Variants in COL11A1 observed in about 807,000 individuals in gnomAD.
The protein encoded by COL11A1 is collagen alpha-1(XI) chain.
In COL11A1, 74 loss-of-function variants were observed where a neutral mutation model predicts 265.2. That is an observed-to-expected ratio of 0.28 (90% confidence interval 0.23 to 0.34). The LOEUF (loss-of-function observed/expected upper bound fraction) is 0.34. Among genes scored for constraint, COL11A1 ranks in the 10% least tolerant of loss-of-function variants. The pLI is 1.00. For missense variants in COL11A1, 2,165 were observed against 2,263.6 expected (o/e 0.96, Z 0.88); for synonymous variants, 816 against 727.6 (o/e 1.12, Z -1.96).
At chr1:103,026,393 G>T in intron 5 of COL11A1, 61 bp from the exon 6 acceptor site, 1 of 1,042,426 alleles carries the variant, frequency 9.6e-7, no homozygotes, top group Non-Finnish European at 1.5e-6. Flanking sequence ...TATTCACAAA[G>T]TGAGAACCAT....
chr1:103,054,212 C>CA (rs1224084362), intron 4 of COL11A1, among the ~76,000 whole-genome samples: 2 of 152,048 alleles, frequency 1.3e-5, no homozygotes, highest in East Asian at 1.9e-4. Context: ...ATACATTATA[C>CA]AAAAAATGAA....
intron 4 of COL11A1, among the ~76,000 whole-genome samples, chr1:103,045,563 G>T (rs983858621): frequency 2.6e-5 from 4 of 151,554 alleles, no homozygotes; most frequent in Non-Finnish European, 5.9e-5. Context: ...AAACATCAAG[G>T]TCTTAAAAAA....
rs1240290905 is a variant in COL11A1, at chr1:103,018,811, T to C, written c.1350+7A>G. 6.2e-7 allele frequency: 1 copy of C among 1,609,466 alleles called. No homozygotes were observed. Among genetic ancestry groups the C allele is most frequent in the Non-Finnish European group, 8.5e-7 (1 of 1,176,234 alleles). On this transcript the variant is annotated splice_region_variant and intron_variant, in intron 10 of 66. Coordinates refer to ENST00000370096, the MANE Select transcript of COL11A1 (RefSeq NM_001854.4). ...TAGACAAAAATAATCTTAAAACATTTACATACTGCAGGTCCTGCTGGTCCT... is the reference window on the plus strand; with the variant it reads ...TAGACAAAAATAATCTTAAAACATTCACATACTGCAGGTCCTGCTGGTCCT...
chr1:103,050,968 T>C lies in COL11A1; in HGVS notation c.652-19724A>G, dbSNP rs140653048. Among the ~76,000 whole-genome samples, 17 of 152,286 alleles carry C rather than the reference T, an allele frequency of 1.1e-4. No individual in the cohort carries two copies. In the East Asian group the frequency reaches 3.3e-3, roughly 29 times the overall value. On this transcript the variant is annotated intron_variant, in intron 4 of 66. Coordinates refer to ENST00000370096, the MANE Select transcript of COL11A1 (RefSeq NM_001854.4). ...CCTGATTGTTCCTCTGGAAGTTTTG[T>C]CTCAGAGGAGTACCTGGCCCTGTGA...
In COL11A1 at chr1:103,072,815, G is replaced by T. The variant is rs112453080; in HGVS notation, c.651+1803C>A. Among the ~76,000 whole-genome samples, 1,060 of 151,534 alleles carry T rather than the reference G, an allele frequency of 7.0e-3. 15 individuals are homozygous for T. The highest frequency in any genetic ancestry group is 0.025 in the African/African-American group (1,022 of 41,450). The stretch of plus-strand genomic sequence containing the variant: ...TAAGACCTGAATCTTATATCTGATG[G>T]CTGTTTGAGTATATGAATTAGATAA... On this transcript the variant is annotated intron_variant, in intron 4 of 66. Coordinates refer to ENST00000370096, the MANE Select transcript of COL11A1 (RefSeq NM_001854.4).
chr1:103,083,250 G>GTGTA (rs1280118770), intron 1 of COL11A1, among the ~76,000 whole-genome samples: 1 of 106,038 alleles, frequency 9.4e-6, no homozygotes, highest in African/African-American at 3.5e-5. Context: ...GTCTGTGTCT[G>GTGTA]TGTGTGTGTG....
At position 102,946,832 on chromosome 1, in the gene COL11A1, T is replaced by C; in HGVS notation, c.3276+17A>G. On this transcript the variant is annotated intron_variant, in intron 42 of 66. Coordinates refer to ENST00000370096, the MANE Select transcript of COL11A1 (RefSeq NM_001854.4). ...CAGGGTAGCAGCATAATATATTTTCTCCTAGACATTACTTACAGGAGCACC... is the reference window on the plus strand; with the variant it reads ...CAGGGTAGCAGCATAATATATTTTCCCCTAGACATTACTTACAGGAGCACC... 1 of 1,588,612 alleles carries C rather than the reference T, an allele frequency of 6.3e-7. No individual in the cohort carries two copies. The highest frequency in any genetic ancestry group is 8.6e-7 in the Non-Finnish European group (1 of 1,157,950).
chr1:102,959,766 T>C (rs1264004521), intron 41 of COL11A1, among the ~76,000 whole-genome samples: 2 of 152,184 alleles, frequency 1.3e-5, no homozygotes, highest in East Asian at 1.9e-4. Context: ...ATTTTGAAAA[T>C]TGTATCCCCT....
At chr1:102,948,207 T>C (rs1659516849) in intron 41 of COL11A1, among the ~76,000 whole-genome samples, 1 of 152,100 alleles carries the variant, frequency 6.6e-6, no homozygotes, top group Non-Finnish European at 1.5e-5. Context: ...AACATAATGC[T>C]TTACAATTCA....
chr1:102,934,974 C>A lies in COL11A1; in HGVS notation c.3492+86G>T, dbSNP rs1019869174. On this transcript the variant is annotated intron_variant, in intron 45 of 66. Coordinates refer to ENST00000370096, the MANE Select transcript of COL11A1 (RefSeq NM_001854.4). ...CATACAAACAAAACTTATTACCCCACAAAATTGACTGGTTATGGGACAGTA... is the reference window on the plus strand; with the variant it reads ...CATACAAACAAAACTTATTACCCCAAAAAATTGACTGGTTATGGGACAGTA... 8.5e-6 allele frequency: 11 copies of A among 1,299,450 alleles called. No homozygotes were observed. The African/African-American group carries it at 1.6e-4, about 19-fold the overall frequency. 80.5% of individuals were successfully genotyped at this position (1,299,450 alleles called of 1,614,324 possible). A position where few individuals can be genotyped will look rare whatever the true frequency, so the allele number is the denominator to read the frequency against.
chr1:102,890,412 G>A, intron 58 of COL11A1, 39 bp downstream of exon 58: 1 of 1,539,554 alleles, frequency 6.5e-7, no homozygotes, highest in Non-Finnish European at 8.9e-7. Flanking sequence ...GTATATAAAA[G>A]CATATTCTTT....
rs542926818 is a variant in COL11A1, at chr1:103,036,812, C to T, written c.652-5568G>A. ...CTTTAGCATACAAGGCATCCTCCTC[C>T]TTTAATGGTCCACAAAACCAAGATT... is the stretch of plus-strand genomic sequence containing the variant. On this transcript the variant is annotated intron_variant, in intron 4 of 66. Coordinates refer to ENST00000370096, the MANE Select transcript of COL11A1 (RefSeq NM_001854.4). 2.6e-5 allele frequency among the ~76,000 whole-genome samples: 4 copies of T among 152,096 alleles called. 1 individual carries two copies. Among genetic ancestry groups the T allele is most frequent in the South Asian group, 4.1e-4 (2 of 4,824 alleles).
chr1:102,912,663 C>G (rs1654827670), intron 53 of COL11A1, among the ~76,000 whole-genome samples: 1 of 152,146 alleles, frequency 6.6e-6, no homozygotes. Flanking sequence ...GGCTGTGTCC[C>G]TACCCAAATC....
intron 4 of COL11A1, among the ~76,000 whole-genome samples, chr1:103,035,649 ATCT>A (rs1668310346): frequency 6.6e-6 from 1 of 152,084 alleles, no homozygotes; most frequent in East Asian, 1.9e-4. Flanking sequence ...ATAAGGAAAC[ATCT>A]TCTTTAATTT....
At chr1:103,069,211 A>C (rs1671381892) in intron 4 of COL11A1, among the ~76,000 whole-genome samples, 1 of 151,768 alleles carries the variant, frequency 6.6e-6, no homozygotes, top group Admixed American at 6.6e-5. Context: ...GTAGTAAAAA[A>C]AATGAATAAA....
intron 35 of COL11A1, among the ~76,000 whole-genome samples, chr1:102,975,265 TA>T (rs35123438): frequency 0.02 from 2,777 of 136,258 alleles, 64 homozygotes; most frequent in East Asian, 0.12. Context: ...CAGCCCCGCT[TA>T]AAAAAAAAAA....
intron 15 of COL11A1, among the ~76,000 whole-genome samples, chr1:103,007,866 CAAAAAA>C (rs34520764): frequency 1.3e-4 from 13 of 97,120 alleles, no homozygotes; most frequent in African/African-American, 5.6e-4. Context: ...GACTCTGTCT[CAAAAAA>C]AAAAAAAAAA....
chr1:103,062,217 C>T (rs533995798), intron 4 of COL11A1, among the ~76,000 whole-genome samples: 1 of 152,018 alleles, frequency 6.6e-6, no homozygotes, highest in South Asian at 2.1e-4. Flanking sequence ...AGCATCAGAA[C>T]AAGATGGGTT....
At chr1:103,024,263 A>T (rs1250207710) in intron 7 of COL11A1, among the ~76,000 whole-genome samples, 1 of 152,088 alleles carries the variant, frequency 6.6e-6, no homozygotes, top group East Asian at 1.9e-4. Context: ...TGTAGCTGGG[A>T]CTACAGGCAT....
Sources: gnomAD v4.1 joint callset for allele counts (sites outside exome capture counted in the v4.1 genomes callset) on GRCh38, gnomAD v4.1.1 for gene constraint, MANE v1.5 for transcripts, NCBI Gene and HGNC (gene_info 2026-07-23, HGNC 2026-07-21) for gene names.